TMPRSS11A: variants seen among roughly 807,000 people sequenced by gnomAD.
TMPRSS11A encodes transmembrane protease serine 11A.
In TMPRSS11A, 53 loss-of-function variants were observed where a neutral mutation model predicts 58.9. The observed-to-expected ratio is 0.90, with a 90% CI of 0.72 to 1.13. The LOEUF is 1.13. Ranked by LOEUF, TMPRSS11A falls within the 50% of genes most tolerant of loss-of-function variation. The pLI is 0.00. For missense variants in TMPRSS11A, 493 were observed against 499.3 expected (o/e 0.99, Z 0.12); for synonymous variants, 167 against 169.8 (o/e 0.98, Z 0.13).
intron 2 of TMPRSS11A, among the ~76,000 whole-genome samples, chr4:67,945,702 G>A (rs997319521): frequency 2.0e-5 from 3 of 152,164 alleles, no homozygotes; most frequent in South Asian, 2.1e-4. Context: ...AGATAAGAGC[G>A]TTAAAGTGAG....
intron 3 of TMPRSS11A, among the ~76,000 whole-genome samples, chr4:67,934,721 G>A (rs532112283): frequency 6.6e-6 from 1 of 152,158 alleles, no homozygotes; most frequent in East Asian, 1.9e-4. Flanking sequence ...TAATGAAAGA[G>A]TGAGGGAGAG....
intron 1 of TMPRSS11A, among the ~76,000 whole-genome samples, chr4:67,961,513 T>A (rs1232210795): frequency 5.1e-5 from 1 of 19,496 alleles, no homozygotes; most frequent in Non-Finnish European, 1.2e-4. Flanking sequence ...TTTTTTTTTT[T>A]TTTTTTTTTT....
In TMPRSS11A at chr4:67,911,456, C is replaced by T. The variant is rs148638761; in HGVS notation, c.1143G>A (p.Trp381Ter). Residue 381 changes from tryptophan (W) to a stop codon, truncating the protein, a stop_gained, in exon 10 of 10, where the codon TGG becomes TGA. Coordinates refer to ENST00000508048, the MANE Select transcript of TMPRSS11A (RefSeq NM_001114387.2). LOFTEE classifies it high-confidence loss of function. ...PLVTRDLKDTWYLIGIVSWGD... is the reference protein window; with the variant it reads ...PLVTRDLKDT ...CCCAGCTTACAATTCCAATGAGATA[C>T]CACGTATCTTTCAGATCCCTTGTGA... is the stretch of plus-strand genomic sequence containing the variant. The T allele has an allele frequency of 5.0e-6, 8 of 1,613,334 alleles. No homozygotes were observed. The highest frequency in any genetic ancestry group is 4.4e-5 in the South Asian group (4 of 91,004).
chr4:67,940,266 A>C (rs1334265485), intron 3 of TMPRSS11A, among the ~76,000 whole-genome samples: 1 of 152,138 alleles, frequency 6.6e-6, no homozygotes, highest in African/African-American at 2.4e-5. Flanking sequence ...TTTAGGAAGA[A>C]GTCTCTTCTC....
intron 3 of TMPRSS11A, among the ~76,000 whole-genome samples, chr4:67,933,100 C>T (rs977677479): frequency 8.9e-5 from 10 of 112,810 alleles, no homozygotes; most frequent in African/African-American, 1.5e-4. Flanking sequence ...ACTTGCATGA[C>T]TGAAACACAC....
At chr4:67,951,872 G>T (rs1252452611) in intron 1 of TMPRSS11A, among the ~76,000 whole-genome samples, 1 of 152,124 alleles carries the variant, frequency 6.6e-6, no homozygotes, top group Non-Finnish European at 1.5e-5. Flanking sequence ...CCTAGCCTAG[G>T]ACCTATTTCT....
chr4:67,932,480 G>A (rs1042767671), intron 3 of TMPRSS11A, among the ~76,000 whole-genome samples: 3 of 152,112 alleles, frequency 2.0e-5, no homozygotes, highest in African/African-American at 4.8e-5. Context: ...GGATTTGAGC[G>A]TATACTACTT....
intron 2 of TMPRSS11A, among the ~76,000 whole-genome samples, chr4:67,945,204 G>A (rs978169861): frequency 1.3e-5 from 2 of 152,140 alleles, no homozygotes; most frequent in African/African-American, 4.8e-5. Flanking sequence ...ATGAAACAGG[G>A]ATAAATCTAT....
intron 1 of TMPRSS11A, among the ~76,000 whole-genome samples, chr4:67,957,930 A>C (rs1403803526): frequency 1.3e-5 from 2 of 152,098 alleles, no homozygotes; most frequent in African/African-American, 4.8e-5. Context: ...TGACTAAAAG[A>C]GGCCAAGCTA....
Position 67,910,616 on chromosome 4 carries a change from TTAAC to T in TMPRSS11A, c.*722_*725del, listed in dbSNP as rs1424997969. 6.6e-6 allele frequency: 1 copy of T among 152,100 alleles called. No individual in the cohort carries two copies. The highest frequency in any genetic ancestry group is 1.5e-5 in the Non-Finnish European group (1 of 67,954). 9.4% of individuals were successfully genotyped at this position (152,100 alleles called of 1,614,324 possible). ...ATTTTTAACAAATATATAGTTTTGA[TTAAC>T]TAATCACTCTATCTATCTATATATA... On this transcript the variant is annotated 3_prime_UTR_variant, in exon 10 of 10. Transcript: ENST00000508048.
chr4:67,959,588 G>A (rs1210206198), intron 1 of TMPRSS11A, among the ~76,000 whole-genome samples: 1 of 152,132 alleles, frequency 6.6e-6, no homozygotes, highest in Non-Finnish European at 1.5e-5. Context: ...CAACAAACAT[G>A]AAAAAATGCT....
intron 5 of TMPRSS11A, among the ~76,000 whole-genome samples, chr4:67,928,692 A>G (rs1333262272): frequency 6.6e-6 from 1 of 152,166 alleles, no homozygotes; most frequent in Non-Finnish European, 1.5e-5. Flanking sequence ...TTTATTCCCT[A>G]AGTAGCTGAC....
chr4:67,944,447 A>C, intron 3 of TMPRSS11A, 72 bp downstream of exon 3: 3 of 1,519,704 alleles, frequency 2.0e-6, no homozygotes, highest in Non-Finnish European at 2.7e-6. Flanking sequence ...TGTTTTTAGA[A>C]ATGGAGAAAT....
chr4:67,953,910 G>C (rs1447704110), intron 1 of TMPRSS11A, among the ~76,000 whole-genome samples: 1 of 152,160 alleles, frequency 6.6e-6, no homozygotes, highest in Non-Finnish European at 1.5e-5. Context: ...CAACACAAGA[G>C]GAAGAAACAA....
intron 3 of TMPRSS11A, among the ~76,000 whole-genome samples, chr4:67,937,411 A>C (rs546673491): frequency 6.6e-6 from 1 of 152,238 alleles, no homozygotes; most frequent in African/African-American, 2.4e-5. Context: ...TGTATCTGTC[A>C]AGAAAAAGTT....
At chr4:67,936,941 C>G (rs1577862580) in intron 3 of TMPRSS11A, among the ~76,000 whole-genome samples, 1 of 152,188 alleles carries the variant, frequency 6.6e-6, no homozygotes, top group South Asian at 2.1e-4. Flanking sequence ...ATATTTAAAA[C>G]CAGGATACCC....
intron 7 of TMPRSS11A, among the ~76,000 whole-genome samples, chr4:67,922,502 T>C (rs1232327389): frequency 6.6e-6 from 1 of 152,220 alleles, no homozygotes; most frequent in Non-Finnish European, 1.5e-5. Flanking sequence ...AAAATAGTTC[T>C]GATTTCTTTA....
At chr4:67,937,150 C>T (rs1720773513) in intron 3 of TMPRSS11A, among the ~76,000 whole-genome samples, 1 of 152,178 alleles carries the variant, frequency 6.6e-6, no homozygotes. Context: ...GCTGTATTTA[C>T]AACTTTATCA....
rs537630682 is a variant in TMPRSS11A, at chr4:67,962,950, G to A, written c.11+433C>T. 2.6e-5 allele frequency among the ~76,000 whole-genome samples: 4 copies of A among 152,258 alleles called. No homozygotes were observed. The South Asian group carries it at 8.3e-4, about 32-fold the overall frequency. On this transcript the variant is annotated intron_variant, in intron 1 of 9. Coordinates refer to ENST00000508048, the MANE Select transcript of TMPRSS11A (RefSeq NM_001114387.2). ...GCTATTTACCTCTCAATCTGCATTA[G>A]TCCCACAAGGACCCACCATAAGGGA...
Sources: gnomAD v4.1 joint callset for allele counts (sites outside exome capture counted in the v4.1 genomes callset) on GRCh38, gnomAD v4.1.1 for gene constraint, MANE v1.5 for transcripts, NCBI Gene and HGNC (gene_info 2026-07-23, HGNC 2026-07-21) for gene names.